Variants in CPSF3 observed in about 807,000 individuals in gnomAD.
CPSF3 encodes cleavage and polyadenylation specific factor 3, also known as cleavage and polyadenylation specificity factor subunit 3.
CPSF3 carries 57 observed loss-of-function variants against 84.1 expected under a neutral mutation model. The ratio of observed to expected loss-of-function variants is 0.68; its 90% CI spans 0.55 to 0.85. The LOEUF is 0.85. Among genes scored for constraint, CPSF3 ranks in the 40% least tolerant of loss-of-function variants. The probability of loss-of-function intolerance (pLI) is 0.00; values close to 1 mark genes in which losing one functional copy is unlikely to be tolerated. For synonymous variants in CPSF3, 275 were observed against 278.1 expected (o/e 0.99, Z 0.11); for missense variants, 522 against 838.8 (o/e 0.62, Z 4.66).
At chr2:9,435,604 G>C (rs543734809) in intron 6 of CPSF3, among the ~76,000 whole-genome samples, 2 of 151,752 alleles carry the variant, frequency 1.3e-5, no homozygotes, top group African/African-American at 4.8e-5. Flanking sequence ...TGTATTTTTA[G>C]TAGAGACGGG....
rs970657345 is a variant in CPSF3 at position 9,432,060 on chromosome 2, T to C, written c.342-451T>C. Among the ~76,000 whole-genome samples the C allele has an allele frequency of 5.9e-5, 9 of 152,314 alleles. No individual in the cohort carries two copies. In the East Asian group the frequency reaches 1.5e-3, roughly 26 times the overall value. On this transcript the variant is annotated intron_variant, in intron 4 of 17. Transcript: ENST00000238112. ...CTGTTCTCTCTTGCTTTTTTGTAAG[T>C]ACATTAACATAATTTTCAGGAGAAA...
intron 11 of CPSF3, among the ~76,000 whole-genome samples, chr2:9,452,436 C>T (rs1206516951): frequency 2.0e-5 from 3 of 152,100 alleles, no homozygotes; most frequent in Non-Finnish European, 4.4e-5. Flanking sequence ...TATGAGCTCA[C>T]CCATAACCTG....
intron 16 of CPSF3, among the ~76,000 whole-genome samples, chr2:9,469,174 G>A (rs1000151459): frequency 1.1e-4 from 17 of 152,108 alleles, no homozygotes; most frequent in African/African-American, 3.4e-4. Context: ...TTTTGCAGAG[G>A]GCTCAAGTCT....
At chr2:9,466,659 C>T (rs980895270) in intron 15 of CPSF3, among the ~76,000 whole-genome samples, 4 of 152,142 alleles carry the variant, frequency 2.6e-5, no homozygotes, top group Non-Finnish European at 5.9e-5. Context: ...ACGTATGATG[C>T]CCCAATCTCT....
intron 14 of CPSF3, 29 bp from the exon 15 acceptor site, chr2:9,459,502 A>T: frequency 6.6e-7 from 1 of 1,508,648 alleles, no homozygotes; most frequent in Non-Finnish European, 9.2e-7. Context: ...TAGGTAGGTC[A>T]CTTCCTAATT....
intron 14 of CPSF3, 45 bp downstream of exon 14, chr2:9,457,072 T>C (rs751956817): frequency 1.1e-5 from 12 of 1,116,844 alleles, no homozygotes; most frequent in Admixed American, 4.5e-5. Context: ...AAAAAAGTTT[T>C]AAAAAGAGTT....
At chr2:9,428,715 T>G in intron 1 of CPSF3, 50 bp from the exon 2 acceptor site, 1 of 1,301,050 alleles carries the variant, frequency 7.7e-7, no homozygotes, top group Non-Finnish European at 1.1e-6. Flanking sequence ...TTATTGGACT[T>G]GGTTTTGATT....
chr2:9,447,016 C>T (rs1236296266), intron 10 of CPSF3, among the ~76,000 whole-genome samples: 1 of 152,114 alleles, frequency 6.6e-6, no homozygotes, highest in Non-Finnish European at 1.5e-5. Flanking sequence ...TGGCTCATGC[C>T]TGTAGTCCCA....
At chr2:9,428,243 T>C (rs74397920) in intron 1 of CPSF3, among the ~76,000 whole-genome samples, 2,220 of 146,156 alleles carry the variant, frequency 0.015, 92 homozygotes, top group African/African-American at 0.059. Flanking sequence ...GTGATCTGCC[T>C]GCCTCGGCCT....
chr2:9,449,366 C>T (rs866972929), intron 11 of CPSF3, among the ~76,000 whole-genome samples: 9 of 152,154 alleles, frequency 5.9e-5, no homozygotes, highest in South Asian at 2.1e-4. Flanking sequence ...ATGGAGGTTG[C>T]GGTGAGCTGC....
chr2:9,454,452 G>A (rs181128751), intron 12 of CPSF3, among the ~76,000 whole-genome samples: 16 of 152,038 alleles, frequency 1.1e-4, no homozygotes, highest in Admixed American at 8.5e-4. Context: ...GTATTTACCT[G>A]TGAGATTGCC....
chr2:9,439,201 A>G (rs1033367401), intron 7 of CPSF3, among the ~76,000 whole-genome samples: 1 of 152,242 alleles, frequency 6.6e-6, no homozygotes, highest in African/African-American at 2.4e-5. Flanking sequence ...CACAATAATC[A>G]GCCTTTTTTT....
intron 7 of CPSF3, among the ~76,000 whole-genome samples, chr2:9,437,047 A>T (rs894722240): frequency 1.3e-5 from 2 of 152,190 alleles, no homozygotes; most frequent in Non-Finnish European, 2.9e-5. Context: ...TGTGTTACAG[A>T]TGAGTAATTA....
chr2:9,459,098 G>T (rs1367009150), intron 14 of CPSF3, among the ~76,000 whole-genome samples: 1 of 149,714 alleles, frequency 6.7e-6, no homozygotes, highest in Admixed American at 6.7e-5. Context: ...GGCAATGGGA[G>T]CAAAATTCCA....
At chr2:9,446,274 A>G (rs1304028409) in intron 10 of CPSF3, among the ~76,000 whole-genome samples, 11 of 152,136 alleles carry the variant, frequency 7.2e-5, no homozygotes, top group Admixed American at 7.2e-4. Flanking sequence ...GTGAAACCCC[A>G]TCTCTACTAA....
intron 15 of CPSF3, among the ~76,000 whole-genome samples, chr2:9,464,238 G>T (rs1681828495): frequency 6.6e-6 from 1 of 152,004 alleles, no homozygotes; most frequent in African/African-American, 2.4e-5. Context: ...GTCCTGTTTT[G>T]ACACACAGAC....
In CPSF3 at chr2:9,460,679, C is replaced by CT. The variant is rs529125315; in HGVS notation, c.1786+1076dup. 5.9e-3 allele frequency among the ~76,000 whole-genome samples: 806 copies of CT among 137,648 alleles called. 5 individuals are homozygous for CT. The highest frequency in any genetic ancestry group is 0.012 in the African/African-American group (457 of 37,876). The allele number at this position is 137,648 out of a possible 152,430, so 90.3% of individuals were successfully genotyped here. On this transcript the variant is annotated intron_variant, in intron 15 of 17. Coordinates refer to ENST00000238112, the MANE Select transcript of CPSF3 (RefSeq NM_016207.4). ...ATGTCTTTTTTTTCTTTCTTTCTTT[C>CT]TTTTTTTTTTTTTTTGAGACAAAGT...
intron 11 of CPSF3, among the ~76,000 whole-genome samples, chr2:9,452,665 G>A (rs1380968654): frequency 3.3e-5 from 5 of 152,210 alleles, no homozygotes; most frequent in Non-Finnish European, 7.3e-5. Flanking sequence ...TAAGTTACTT[G>A]CTTGTTGAAC....
chr2:9,465,699 G>GC (rs539973130), intron 15 of CPSF3, among the ~76,000 whole-genome samples: 1 of 152,088 alleles, frequency 6.6e-6, no homozygotes, highest in Non-Finnish European at 1.5e-5. Flanking sequence ...AACTCTTAAG[G>GC]CCCCCCATCC....
Sources: allele counts gnomAD v4.1 joint callset (sites outside exome capture counted in the v4.1 genomes callset), GRCh38; gene constraint gnomAD v4.1.1; transcripts MANE v1.5; gene names NCBI Gene and HGNC (gene_info 2026-07-23, HGNC 2026-07-21).